The following NSUN6 variants were observed in gnomAD, a reference collection of about 807,000 sequenced individuals.
The protein encoded by NSUN6 is NOP2/Sun RNA methyltransferase 6.
NSUN6 carries 64 observed loss-of-function variants against 58.0 expected under a neutral mutation model. The ratio of observed to expected loss-of-function variants is 1.10; its 90% CI spans 0.90 to 1.36. The LOEUF is 1.36. NSUN6 is among the 40% of genes most tolerant of loss of function. The probability of loss-of-function intolerance (pLI) is 0.00; values close to 1 mark genes in which losing one functional copy is unlikely to be tolerated. For missense variants in NSUN6, 701 were observed against 550.1 expected, an observed-to-expected ratio of 1.27 and a Z score of -2.74; for synonymous variants, 231 against 193.9, an observed-to-expected ratio of 1.19 and a Z score of -1.59.
chr10:18,609,795 C>T (rs371984227), intron 6 of NSUN6, 50 bp downstream of exon 6: 99 of 964,446 alleles, frequency 1.0e-4, no homozygotes, highest in Non-Finnish European at 2.5e-5. Context: ...AAATAATTCA[C>T]TGATGTATGT....
chr10:18,651,228 CAAGAGA>C lies in NSUN6; in HGVS notation c.-31_-26del. On this transcript the variant is annotated 5_prime_UTR_variant, in exon 1 of 11. Transcript: ENST00000377304. ...TTTTTCCTGTTGTTTAGTTCTCCAC[CAAGAGA>C]AATGCTGGAAAACGGTGTTTTGTTT... 1 of 1,521,554 alleles carries C rather than the reference CAAGAGA, an allele frequency of 6.6e-7. No homozygotes were observed. The highest frequency in any genetic ancestry group is 8.8e-7 in the Non-Finnish European group (1 of 1,141,416). The allele number at this position is 1,521,554 out of a possible 1,614,324, so 94.3% of individuals were successfully genotyped here.
chr10:18,642,813 G>A (rs1015607974), intron 2 of NSUN6, among the ~76,000 whole-genome samples: 1 of 152,080 alleles, frequency 6.6e-6, no homozygotes, highest in Admixed American at 6.5e-5. Context: ...ACAAACCGTG[G>A]TTACCCTAAA....
At chr10:18,560,133 T>A (rs1235800808) in intron 8 of NSUN6, among the ~76,000 whole-genome samples, 1 of 137,408 alleles carries the variant, frequency 7.3e-6, no homozygotes, top group Admixed American at 7.6e-5. Flanking sequence ...GAATCGAGAA[T>A]GCAGAATGGA....
At chr10:18,597,206 T>C (rs1468720534) in intron 6 of NSUN6, among the ~76,000 whole-genome samples, 1 of 152,244 alleles carries the variant, frequency 6.6e-6, no homozygotes, top group African/African-American at 2.4e-5. Context: ...GTATCAATTA[T>C]ATAAGGACTA....
At chr10:18,632,318 G>C (rs1486798243) in intron 3 of NSUN6, among the ~76,000 whole-genome samples, 2 of 135,016 alleles carry the variant, frequency 1.5e-5, no homozygotes, top group Non-Finnish European at 3.2e-5. Flanking sequence ...GAAAACCTAG[G>C]CATTACCATT....
rs552353807 is a variant in NSUN6, at chr10:18,604,069, C to T, written c.657+5776G>A. Among the ~76,000 whole-genome samples the T allele has an allele frequency of 6.6e-5, 10 of 152,196 alleles. No individual in the cohort carries two copies. The East Asian group carries it at 1.8e-3, about 27-fold the overall frequency. ...TAGTGGCGGGGGCCTGCAGTCCCAC[C>T]TACTCGGGAGGCTGAAGCAGGAGAA... On this transcript the variant is annotated intron_variant, in intron 6 of 10. Transcript: ENST00000377304.
At chr10:18,638,908 A>T (rs1450786033) in intron 3 of NSUN6, among the ~76,000 whole-genome samples, 3 of 148,802 alleles carry the variant, frequency 2.0e-5, no homozygotes, top group African/African-American at 7.4e-5. Flanking sequence ...TATGTGAATT[A>T]TACTTGGGAA....
intron 8 of NSUN6, among the ~76,000 whole-genome samples, chr10:18,555,608 G>C (rs1329102142): frequency 2.7e-5 from 4 of 150,828 alleles, no homozygotes; most frequent in Non-Finnish European, 5.9e-5. Context: ...GAATGGAATG[G>C]AATAGAGAAT....
intron 3 of NSUN6, among the ~76,000 whole-genome samples, chr10:18,638,160 T>C (rs1216028711): frequency 6.6e-6 from 1 of 152,070 alleles, no homozygotes; most frequent in Non-Finnish European, 1.5e-5. Context: ...TGGCAAAAGT[T>C]GGCCAGGTGA....
At chr10:18,554,418 T>C (rs2054833065) in intron 8 of NSUN6, among the ~76,000 whole-genome samples, 1 of 143,958 alleles carries the variant, frequency 6.9e-6, no homozygotes, top group African/African-American at 2.6e-5. Flanking sequence ...GAATAGAGAA[T>C]GGAATGGAAC....
rs375721645 is a variant in NSUN6 at position 18,551,849 on chromosome 10, G to T, written c.1045C>A (p.Pro349Thr). The T allele has an allele frequency of 5.0e-6, 8 of 1,613,456 alleles. No individual in the cohort carries two copies. Among genetic ancestry groups the T allele is most frequent in the Non-Finnish European group, 6.8e-6 (8 of 1,179,618 alleles). Residue 349 changes from proline (P) to threonine (T), a missense_variant, in exon 9 of 11, where the codon CCA (proline) becomes ACA (threonine). Transcript: ENST00000377304. ...WSVKEVASYQ[P>T]LQRKLFTAAV... ...GCAGTGAAGAGTTTTCGCTGTAATGGCTGATATGATGCCACTTCCTTCACA... is the reference window on the plus strand; with the variant it reads ...GCAGTGAAGAGTTTTCGCTGTAATGTCTGATATGATGCCACTTCCTTCACA...
chr10:18,573,836 C>G (rs115879318), intron 8 of NSUN6, among the ~76,000 whole-genome samples: 3,954 of 152,128 alleles, frequency 0.026, 167 homozygotes, highest in African/African-American at 0.089. Flanking sequence ...CCTACCCTTG[C>G]CTCAAACTAA....
At chr10:18,586,983 C>T (rs112989014) in intron 7 of NSUN6, among the ~76,000 whole-genome samples, 19 of 152,296 alleles carry the variant, frequency 1.2e-4, no homozygotes, top group Non-Finnish European at 1.6e-4. Flanking sequence ...AGTCCCCACT[C>T]GACCCAGGAA....
chr10:18,617,186 T>G (rs897888018), intron 3 of NSUN6, among the ~76,000 whole-genome samples: 1 of 69,282 alleles, frequency 1.4e-5, no homozygotes, highest in African/African-American at 6.3e-5. Context: ...GCCTTTCTAG[T>G]TTTTTTTTTT....
At chr10:18,609,152 A>G (rs138999880) in intron 6 of NSUN6, among the ~76,000 whole-genome samples, 50 of 152,190 alleles carry the variant, frequency 3.3e-4, no homozygotes, top group African/African-American at 1.2e-3. Flanking sequence ...CTACAAAAAC[A>G]TCAAAAAAAT....
At chr10:18,565,627 TTTCCA>T (rs1589877068) in intron 8 of NSUN6, among the ~76,000 whole-genome samples, 1 of 149,962 alleles carries the variant, frequency 6.7e-6, no homozygotes, top group Admixed American at 6.7e-5. Flanking sequence ...TTTGTTACAT[TTTCCA>T]TTCCATTCTC....
At chr10:18,552,067 A>G (rs2054640375) in intron 8 of NSUN6, 96 bp from the exon 9 acceptor site, 1 of 746,048 alleles carries the variant, frequency 1.3e-6, no homozygotes, top group Non-Finnish European at 2.1e-6. Context: ...ATAATCTAGA[A>G]TAAAAAAATG....
At chr10:18,605,523 G>A (rs1235543672) in intron 6 of NSUN6, among the ~76,000 whole-genome samples, 1 of 152,156 alleles carries the variant, frequency 6.6e-6, no homozygotes, top group East Asian at 1.9e-4. Context: ...ATTTGAATTA[G>A]GAGCAGGATT....
intron 7 of NSUN6, among the ~76,000 whole-genome samples, chr10:18,590,575 T>A (rs1589979620): frequency 6.6e-6 from 1 of 152,212 alleles, no homozygotes; most frequent in Middle Eastern, 3.4e-3. Flanking sequence ...CACAGTGCAA[T>A]CAAATTAGGA....
Sources: allele counts gnomAD v4.1 joint callset (sites outside exome capture counted in the v4.1 genomes callset), GRCh38; gene constraint gnomAD v4.1.1; transcripts MANE v1.5; gene names NCBI Gene and HGNC (gene_info 2026-07-23, HGNC 2026-07-21).